Variants in PLEKHA6 observed in about 807,000 individuals in gnomAD.
PLEKHA6 encodes pleckstrin homology domain containing A6.
A neutral mutation model predicts 116.7 loss-of-function variants in PLEKHA6; 60 were observed. The ratio of observed to expected loss-of-function variants is 0.51; its 90% CI spans 0.42 to 0.64. The LOEUF (loss-of-function observed/expected upper bound fraction) is 0.64, where lower values mean the gene tolerates loss of function less well. Ranked by LOEUF, PLEKHA6 falls within the 30% of genes least tolerant of loss-of-function variation. PLEKHA6 has a pLI of 0.00. For synonymous variants in PLEKHA6, 489 were observed against 556.1 expected (o/e 0.88, Z 1.70); for missense variants, 1,338 against 1,422.7 (o/e 0.94, Z 0.96).
intron 1 of PLEKHA6, among the ~76,000 whole-genome samples, chr1:204,292,170 A>C (rs910873770): frequency 6.6e-6 from 1 of 152,258 alleles, no homozygotes; most frequent in African/African-American, 2.4e-5. Flanking sequence ...ATCAAAATAA[A>C]GGATTATTTG....
chr1:204,321,177 C>A (rs1365301019), intron 1 of PLEKHA6, among the ~76,000 whole-genome samples: 1 of 152,100 alleles, frequency 6.6e-6, no homozygotes, highest in Non-Finnish European at 1.5e-5. Context: ...CATAAAGCAC[C>A]ACTCAGGGGA....
intron 1 of PLEKHA6, among the ~76,000 whole-genome samples, chr1:204,315,613 A>G (rs1216961482): frequency 6.6e-6 from 1 of 152,128 alleles, no homozygotes; most frequent in Non-Finnish European, 1.5e-5. Flanking sequence ...TCCGCCGTGA[A>G]GTTGTAGGCA....
intron 1 of PLEKHA6, among the ~76,000 whole-genome samples, chr1:204,318,039 C>T (rs959922376): frequency 4.6e-5 from 7 of 152,182 alleles, no homozygotes; most frequent in African/African-American, 1.4e-4. Context: ...TGTGTGTACA[C>T]GTGCGTGCAT....
chr1:204,349,196 C>G (rs910097518), intron 1 of PLEKHA6, among the ~76,000 whole-genome samples: 1 of 152,200 alleles, frequency 6.6e-6, no homozygotes, highest in African/African-American at 2.4e-5. Context: ...GGACAGACAC[C>G]TGGGATCTGT....
intron 1 of PLEKHA6, chr1:204,281,098 G>T: frequency 1.9e-6 from 1 of 520,306 alleles, no homozygotes; most frequent in Non-Finnish European, 2.5e-6. Flanking sequence ...GAGGCAGGAG[G>T]ATCACTTGAG....
At chr1:204,286,824 C>T (rs778100813) in intron 1 of PLEKHA6, among the ~76,000 whole-genome samples, 23 of 152,244 alleles carry the variant, frequency 1.5e-4, no homozygotes, top group Middle Eastern at 3.4e-3. Flanking sequence ...CAAGTATCCC[C>T]GTTCCTCTCC....
At chr1:204,312,211 ACAGTCGATC>A (rs1252800173) in intron 1 of PLEKHA6, among the ~76,000 whole-genome samples, 1 of 152,182 alleles carries the variant, frequency 6.6e-6, no homozygotes, top group East Asian at 1.9e-4. Context: ...GGCTTCCATG[ACAGTCGATC>A]ATCTCTGCCA....
intron 1 of PLEKHA6, among the ~76,000 whole-genome samples, chr1:204,285,849 G>A (rs1045738247): frequency 1.2e-4 from 18 of 152,202 alleles, no homozygotes; most frequent in Middle Eastern, 3.2e-3. Flanking sequence ...TGGGGAGGAG[G>A]CTGGAGACAC....
chr1:204,288,184 T>C (rs1297385498), intron 1 of PLEKHA6, among the ~76,000 whole-genome samples: 1 of 152,164 alleles, frequency 6.6e-6, no homozygotes, highest in Non-Finnish European at 1.5e-5. Context: ...GGTTTTCCTT[T>C]AATACTCACC....
chr1:204,350,931 G>A (rs1160231391), intron 1 of PLEKHA6, among the ~76,000 whole-genome samples: 1 of 152,232 alleles, frequency 6.6e-6, no homozygotes, highest in Non-Finnish European at 1.5e-5. Flanking sequence ...AGAGGGCTGT[G>A]CTGGGGGCAT....
chr1:204,339,653 C>T (rs191463695), intron 1 of PLEKHA6, among the ~76,000 whole-genome samples: 6 of 152,256 alleles, frequency 3.9e-5, no homozygotes, highest in Non-Finnish European at 8.8e-5. Context: ...AAAATCAGTA[C>T]ATGTAAAGAC....
chr1:204,241,191 CCT>C (rs1193326004), intron 17 of PLEKHA6, among the ~76,000 whole-genome samples, 182 bp downstream of exon 17: 4 of 152,184 alleles, frequency 2.6e-5, no homozygotes, highest in Admixed American at 1.3e-4. Flanking sequence ...TTCCTCATCC[CCT>C]GACACATCTC....
chr1:204,231,415 A>T (rs1661165807), intron 17 of PLEKHA6, among the ~76,000 whole-genome samples: 1 of 152,178 alleles, frequency 6.6e-6, no homozygotes, highest in African/African-American at 2.4e-5. Context: ...ATGAATGCTC[A>T]AATCCCTGCT....
chr1:204,233,985 C>T (rs1558028936), intron 17 of PLEKHA6, among the ~76,000 whole-genome samples: 1 of 152,112 alleles, frequency 6.6e-6, no homozygotes, highest in Admixed American at 6.6e-5. Flanking sequence ...TTGGGTATCA[C>T]AGGGTGGACT....
At chr1:204,247,508 A>C (rs777467464) in intron 12 of PLEKHA6, 48 bp from the exon 13 acceptor site, 2 of 1,233,180 alleles carry the variant, frequency 1.6e-6, no homozygotes, top group Non-Finnish European at 2.4e-6. Flanking sequence ...TCACCAAGGC[A>C]TTCCTCCTTA....
At position 204,261,086 on chromosome 1, in the gene PLEKHA6, C is replaced by T. The variant is rs1289948626; in HGVS notation, c.524+220G>A. Among the ~76,000 whole-genome samples the T allele has an allele frequency of 3.3e-5, 5 of 152,176 alleles. No individual in the cohort carries two copies. Among genetic ancestry groups the T allele is most frequent in the Non-Finnish European group, 5.9e-5 (4 of 68,030 alleles). ...AACCTGGCTTTTCTCTTGGCCTTCC[C>T]GAGCTCAGAGAGAAGAGGAGGAGCT... On this transcript the variant is annotated intron_variant, in intron 7 of 22. Transcript: ENST00000272203. This position sits in a 1 kb window ranked among gnomAD's most constrained non-coding sequence, Gnocchi z 4.0.
chr1:204,330,626 C>T (rs759279777), intron 1 of PLEKHA6, among the ~76,000 whole-genome samples: 1 of 152,240 alleles, frequency 6.6e-6, no homozygotes, highest in Non-Finnish European at 1.5e-5. Flanking sequence ...AACCCTCAGG[C>T]TGTTCTTCCC....
At chr1:204,372,305 G>A (rs1423922838) in intron 1 of PLEKHA6, among the ~76,000 whole-genome samples, 1 of 152,120 alleles carries the variant, frequency 6.6e-6, no homozygotes, top group Non-Finnish European at 1.5e-5. Flanking sequence ...ACCCAGCAAG[G>A]CAGGCTCCCC....
chr1:204,320,040 A>C (rs1443271729), intron 1 of PLEKHA6, among the ~76,000 whole-genome samples: 1 of 152,202 alleles, frequency 6.6e-6, no homozygotes. Context: ...CACTAGTAGC[A>C]GAGTGGCCTT....
Sources: allele counts gnomAD v4.1 joint callset (sites outside exome capture counted in the v4.1 genomes callset), GRCh38; gene constraint gnomAD v4.1.1; non-coding constraint Gnocchi (gnomAD v3.1); transcripts MANE v1.5; gene names NCBI Gene and HGNC (gene_info 2026-07-23, HGNC 2026-07-21).